LIMCH1: variants seen among roughly 807,000 people sequenced by gnomAD.
LIMCH1 encodes the protein LIM and calponin homology domains-containing protein 1.
In LIMCH1, 113 loss-of-function variants were observed where a neutral mutation model predicts 176.5. That is an observed-to-expected ratio of 0.64 (90% confidence interval 0.55 to 0.75). The LOEUF (loss-of-function observed/expected upper bound fraction) is 0.75, where lower values mean the gene tolerates loss of function less well. Among genes scored for constraint, LIMCH1 ranks in the 30% least tolerant of loss-of-function variants. LIMCH1 has a pLI of 0.00. For missense variants in LIMCH1, 1,674 were observed against 1,814.9 expected (o/e 0.92, Z 1.41); for synonymous variants, 619 against 645.9 (o/e 0.96, Z 0.63).
intron 1 of LIMCH1, among the ~76,000 whole-genome samples, chr4:41,477,573 C>T (rs776164356): frequency 2.0e-5 from 3 of 152,172 alleles, no homozygotes; most frequent in Middle Eastern, 3.2e-3. Flanking sequence ...CCTGTAGTTT[C>T]GTGCAGAGTA....
intron 1 of LIMCH1, among the ~76,000 whole-genome samples, chr4:41,415,068 A>G (rs540057945): frequency 5.2e-4 from 79 of 152,280 alleles, no homozygotes; most frequent in Non-Finnish European, 7.9e-4. Flanking sequence ...AATTGAGGTG[A>G]CGCATGTAAA....
chr4:41,519,052 A>G (rs1479310497), intron 2 of LIMCH1, among the ~76,000 whole-genome samples: 1 of 152,194 alleles, frequency 6.6e-6, no homozygotes, highest in Non-Finnish European at 1.5e-5. Context: ...ATACATGTGG[A>G]GCATTCCATT....
chr4:41,583,929 T>C (rs1196386168), intron 1 of LIMCH1, among the ~76,000 whole-genome samples: 1 of 152,214 alleles, frequency 6.6e-6, no homozygotes, highest in Non-Finnish European at 1.5e-5. Flanking sequence ...TTTTGGGTTT[T>C]TTTTTATTTT....
chr4:41,416,050 C>T (rs190522430), intron 1 of LIMCH1, among the ~76,000 whole-genome samples: 131 of 151,878 alleles, frequency 8.6e-4, no homozygotes, highest in African/African-American at 3.0e-3. Flanking sequence ...GTATAGTACT[C>T]AGGCTGGCGC....
intron 1 of LIMCH1, among the ~76,000 whole-genome samples, chr4:41,450,899 G>C (rs2063801758): frequency 6.6e-6 from 1 of 150,706 alleles, no homozygotes; most frequent in African/African-American, 2.4e-5. Flanking sequence ...TATCAGGACA[G>C]ATTGAGTTCT....
At chr4:41,663,891 GTTAGC>G (rs139948400) in intron 20 of LIMCH1, among the ~76,000 whole-genome samples, 2,600 of 139,342 alleles carry the variant, frequency 0.019, 26 homozygotes, top group Middle Eastern at 0.046. Context: ...AATAATAATA[GTTAGC>G]CAGGCATGGT....
intron 18 of LIMCH1, among the ~76,000 whole-genome samples, chr4:41,651,866 A>G (rs1051755645): frequency 4.6e-5 from 7 of 152,236 alleles, no homozygotes; most frequent in Admixed American, 2.6e-4. Context: ...AGTAGAAGAC[A>G]TCATTGGGAA....
chr4:41,507,068 T>C (rs2074269443), intron 2 of LIMCH1, among the ~76,000 whole-genome samples: 1 of 152,140 alleles, frequency 6.6e-6, no homozygotes, highest in African/African-American at 2.4e-5. Context: ...AACTCCGGGG[T>C]ACATCCGTGT....
chr4:41,372,058 A>C (rs959318460), intron 1 of LIMCH1, among the ~76,000 whole-genome samples: 4 of 152,016 alleles, frequency 2.6e-5, no homozygotes, highest in African/African-American at 9.7e-5. Context: ...GGAGGTGAAC[A>C]CCCCTCTTTT....
rs1216643852 is a variant in LIMCH1, at chr4:41,650,626, CCCCGCCT to C, written c.3036+22_3036+28del. 6.3e-7 allele frequency: 1 copy of C among 1,585,296 alleles called. No individual in the cohort carries two copies. The highest frequency in any genetic ancestry group is 1.3e-5 in the African/African-American group (1 of 74,124). ...AGCTCGCAGTAAGAACCAAACATTT[CCCCGCCT>C]CCCTTTGGGATAATTCCATGGTGAA... On this transcript the variant is annotated intron_variant, in intron 18 of 31. Coordinates refer to ENST00000503057, the MANE Select transcript of LIMCH1 (RefSeq NM_001330672.2).
At chr4:41,598,445 C>T (rs1005872227) in intron 1 of LIMCH1, among the ~76,000 whole-genome samples, 2 of 151,160 alleles carry the variant, frequency 1.3e-5, no homozygotes, top group African/African-American at 2.4e-5. Context: ...GTCAAAATCC[C>T]TAAAGGATGT....
At chr4:41,523,343 T>G (rs573705616) in intron 2 of LIMCH1, among the ~76,000 whole-genome samples, 28 of 152,208 alleles carry the variant, frequency 1.8e-4, no homozygotes, top group Non-Finnish European at 3.8e-4. Context: ...TCTGCAGTTG[T>G]AGCACAAAAG....
At chr4:41,402,361 C>G (rs530867100) in intron 1 of LIMCH1, among the ~76,000 whole-genome samples, 594 of 151,406 alleles carry the variant, frequency 3.9e-3, no homozygotes, top group Non-Finnish European at 6.6e-3. Flanking sequence ...AATAGGAACA[C>G]TTTTACACGG....
chr4:41,636,343 T>TA (rs1253532841), intron 13 of LIMCH1, among the ~76,000 whole-genome samples: 17 of 143,552 alleles, frequency 1.2e-4, no homozygotes, highest in African/African-American at 4.3e-4. Context: ...TTTATTACTT[T>TA]TTTTTTTTTT....
In LIMCH1 at chr4:41,596,794, G is replaced by A. The variant is rs1237912497; in HGVS notation, c.-240-2126G>A. Among the ~76,000 whole-genome samples the A allele has an allele frequency of 4.6e-5, 7 of 152,288 alleles. No homozygotes were observed. In the South Asian group the frequency reaches 1.2e-3, roughly 27 times the overall value. On this transcript the variant is annotated intron_variant, in intron 1 of 31. Coordinates refer to ENST00000503057, the MANE Select transcript of LIMCH1 (RefSeq NM_001330672.2). ...CGAAGGAGAAACTGGTGAGGGTGTA[G>A]GTGACTTCAGACTTTGAGCAGCTAG...
At chr4:41,418,439 C>G (rs1197938709) in intron 1 of LIMCH1, among the ~76,000 whole-genome samples, 2 of 152,166 alleles carry the variant, frequency 1.3e-5, no homozygotes, top group Non-Finnish European at 2.9e-5. Flanking sequence ...ATGTACAGGA[C>G]TATAAAAAAG....
chr4:41,671,102 A>G (rs923857468), intron 21 of LIMCH1: 2 of 618,882 alleles, frequency 3.2e-6, no homozygotes, highest in Non-Finnish European at 2.0e-6. Flanking sequence ...GAAACTGATC[A>G]TAGTTCTCTT....
At chr4:41,591,469 T>A (rs2087553196) in intron 1 of LIMCH1, among the ~76,000 whole-genome samples, 2 of 152,132 alleles carry the variant, frequency 1.3e-5, no homozygotes, top group African/African-American at 4.8e-5. Flanking sequence ...GTCTTGAACT[T>A]CTGGCCTCAA....
intron 2 of LIMCH1, chr4:41,494,627 G>A: frequency 6.6e-7 from 1 of 1,523,348 alleles, no homozygotes; most frequent in African/African-American, 1.4e-5. Flanking sequence ...CCTATATTCA[G>A]TTGGTTTTAT....
Sources: gnomAD v4.1 joint callset for allele counts (sites outside exome capture counted in the v4.1 genomes callset) on GRCh38, gnomAD v4.1.1 for gene constraint, MANE v1.5 for transcripts, NCBI Gene and HGNC (gene_info 2026-07-23, HGNC 2026-07-21) for gene names.